Variants in PIANP observed in about 807,000 individuals in gnomAD.
PIANP encodes PILR alpha-associated neural protein.
A neutral mutation model predicts 28.9 loss-of-function variants in PIANP; 14 were observed. The ratio of observed to expected loss-of-function variants is 0.49; its 90% CI spans 0.32 to 0.76. The LOEUF (loss-of-function observed/expected upper bound fraction) is 0.76, where lower values mean the gene tolerates loss of function less well. Among genes scored for constraint, PIANP ranks in the 30% least tolerant of loss-of-function variants. PIANP has a pLI of 0.03. For synonymous variants in PIANP, 149 were observed against 156.6 expected, an observed-to-expected ratio of 0.95 and a Z score of 0.36; for missense variants, 322 against 371.8, an observed-to-expected ratio of 0.87 and a Z score of 1.10.
chr12:6,697,531 A>C lies in PIANP; in HGVS notation c.279T>G (p.Phe93Leu). ...ATTGGGATGAGGGCGGCCCCTCCTC[A>C]AAGCCTGATGGGGTGGCTGGGGGTG... ...GTAPPATPSG[F>L]EEGPPSSQYP... is the part of the protein sequence containing the mutation. The change falls in exon 3 of 5, where the codon TTT becomes TTG. Residue 93 changes from phenylalanine (F) to leucine (L), a missense_variant. Phe to Leu is a conservative substitution (Grantham distance 22). Transcript: ENST00000534837. This position sits in a 1 kb window ranked among gnomAD's most constrained non-coding sequence, Gnocchi z 6.9. The C allele has an allele frequency of 2.5e-6, 4 of 1,611,194 alleles. No individual in the cohort carries two copies. The highest frequency in any genetic ancestry group is 3.4e-6 in the Non-Finnish European group (4 of 1,178,640).
At position 6,695,643 on chromosome 12, in the gene PIANP, C is replaced by T. The variant is rs548735087; in HGVS notation, c.614G>A (p.Arg205His). ...TGIIFKFCWDRSQKRRRPSGQ... is the reference protein window; with the variant it reads ...TGIIFKFCWDHSQKRRRPSGQ... Reference sequence around the variant, plus strand: ...TGAGGGTCTGCGTCGCTTCTGGCTGCGGTCCCAGCTGGGGTACCAGAGGAA... The same window carrying T: ...TGAGGGTCTGCGTCGCTTCTGGCTGTGGTCCCAGCTGGGGTACCAGAGGAA... Residue 205 changes from arginine (R) to histidine (H), a missense_variant, in exon 5 of 5, where the codon CGC becomes CAC. Coordinates refer to ENST00000534837, the MANE Select transcript of PIANP (RefSeq NM_001244014.2). This position sits in a 1 kb window ranked among gnomAD's most constrained non-coding sequence, Gnocchi z 4.2. 17 of 1,519,024 alleles carry T rather than the reference C, an allele frequency of 1.1e-5. No individual in the cohort carries two copies. The highest frequency in any genetic ancestry group is 5.6e-5 in the African/African-American group (4 of 71,262). 94.1% of individuals were successfully genotyped at this position (1,519,024 alleles called of 1,614,324 possible). A position where few individuals can be genotyped will look rare whatever the true frequency, so the allele number is the denominator to read the frequency against.
chr12:6,699,460 T>C (rs1398690482), intron 1 of PIANP, among the ~76,000 whole-genome samples: 2 of 151,458 alleles, frequency 1.3e-5, no homozygotes, highest in Non-Finnish European at 2.9e-5. Flanking sequence ...CAGGCAGTCC[T>C]GAAAAAGAGA....
At position 6,696,787 on chromosome 12, in the gene PIANP, G is replaced by A. The variant is rs1419499409; in HGVS notation, c.524-263C>T. On this transcript the variant is annotated intron_variant, in intron 3 of 4. Coordinates refer to ENST00000534837, the MANE Select transcript of PIANP (RefSeq NM_001244014.2). The surrounding 1 kb of genome is among the most constrained non-coding windows in gnomAD (Gnocchi z 4.0). ...ATGAGGATGAGGCCCCATGATCAGC[G>A]AGAACCTATCACTATGCCTGGAAAC... Among the ~76,000 whole-genome samples the A allele has an allele frequency of 4.6e-5, 7 of 152,118 alleles. No homozygotes were observed. The highest frequency in any genetic ancestry group is 1.0e-4 in the Non-Finnish European group (7 of 68,036).
In PIANP at chr12:6,695,511, G is replaced by A. The variant is rs1398766409; in HGVS notation, c.746C>T (p.Thr249Ile). ...LGAFGDSPTP[T>I]PDHEEPRGGP... is the part of the protein sequence containing the mutation. ...CCCTCGGGGCTCCTCATGGTCAGGG[G>A]TGGGGGTAGGTGAGTCCCCGAAGGC... is the stretch of plus-strand genomic sequence containing the variant. The change falls in exon 5 of 5, where the codon ACC (threonine) becomes ATC (isoleucine). Residue 249 changes from threonine (T) to isoleucine (I), a missense_variant. Thr to Ile is a moderately conservative substitution (Grantham distance 89, BLOSUM62 -1). Coordinates refer to ENST00000534837, the MANE Select transcript of PIANP (RefSeq NM_001244014.2). The surrounding 1 kb of genome is among the most constrained non-coding windows in gnomAD (Gnocchi z 4.2). 4 of 1,565,418 alleles carry A rather than the reference G, an allele frequency of 2.6e-6. No individual in the cohort carries two copies. Among genetic ancestry groups the A allele is most frequent in the Non-Finnish European group, 3.5e-6 (4 of 1,153,962 alleles).
chr12:6,692,266 T>C (rs970311669), downstream of PIANP, among the ~76,000 whole-genome samples: 2 of 152,246 alleles, frequency 1.3e-5, no homozygotes, highest in Non-Finnish European at 1.5e-5. Context: ...AATTCCCTCT[T>C]CATTAGGGGC....
In PIANP at chr12:6,695,507, A is replaced by G; in HGVS notation, c.750T>C (p.Pro250=). 6.4e-7 allele frequency: 1 copy of G among 1,556,018 alleles called. No homozygotes were observed. Among genetic ancestry groups the G allele is most frequent in the Non-Finnish European group, 8.7e-7 (1 of 1,150,520 alleles). Residue 250 remains proline (P), a synonymous_variant, in exon 5 of 5, where the codon CCT becomes CCC. Transcript: ENST00000534837. This position sits in a 1 kb window ranked among gnomAD's most constrained non-coding sequence, Gnocchi z 4.2. ...GTCCCCCTCGGGGCTCCTCATGGTC[A>G]GGGGTGGGGGTAGGTGAGTCCCCGA... ...GAFGDSPTPT[P]DHEEPRGGPR...
chr12:6,700,387 G>T lies in PIANP; in HGVS notation c.-44+227C>A, dbSNP rs1010509012. ...GCGGAGCCGCCCGCCGAGCCGAGGC[G>T]GGATGGAGGCAGCCGCGGGGACGGG... On this transcript the variant is annotated intron_variant, in intron 1 of 4. Transcript: ENST00000534837. This position sits in a 1 kb window ranked among gnomAD's most constrained non-coding sequence, Gnocchi z 5.5. 3.9e-5 allele frequency: 6 copies of T among 152,550 alleles called. No homozygotes were observed. Among genetic ancestry groups the T allele is most frequent in the African/African-American group, 1.4e-4 (6 of 41,584 alleles). 9.4% of individuals were successfully genotyped at this position (152,550 alleles called of 1,614,324 possible).
At position 6,695,215 on chromosome 12, in the gene PIANP, T is replaced by C. The variant is rs1483196251; in HGVS notation, c.*211A>G. ...ACCAAAGAGGGCAGAGTTGGAGTTA[T>C]GGGCAGCAGAGAATAGGACACAGAT... is the stretch of plus-strand genomic sequence containing the variant. On this transcript the variant is annotated 3_prime_UTR_variant, in exon 5 of 5. Transcript: ENST00000534837. This position sits in a 1 kb window ranked among gnomAD's most constrained non-coding sequence, Gnocchi z 4.2. The C allele has an allele frequency of 6.9e-7, 1 of 1,444,296 alleles. No homozygotes were observed. The highest frequency in any genetic ancestry group is 2.7e-5 in the Admixed American group (1 of 37,298). The allele number at this position is 1,444,296 out of a possible 1,614,324, so 89.5% of individuals were successfully genotyped here.
intron 1 of PIANP, among the ~76,000 whole-genome samples, chr12:6,698,649 G>A (rs1335753666): frequency 6.6e-6 from 1 of 152,112 alleles, no homozygotes; most frequent in Non-Finnish European, 1.5e-5. Context: ...AGAGCTGGAG[G>A]GATGGAAGGA....
Position 6,695,401 on chromosome 12 carries a change from C to G in PIANP, c.*25G>C. On this transcript the variant is annotated 3_prime_UTR_variant, in exon 5 of 5. Transcript: ENST00000534837. The surrounding 1 kb of genome is among the most constrained non-coding windows in gnomAD (Gnocchi z 4.2). Reference sequence around the variant, plus strand: ...AGACCTAAGTTGCCTTCCCTCTTTGCCCTCCCATCCCATTGCCCCTGCCCT... The same window carrying G: ...AGACCTAAGTTGCCTTCCCTCTTTGGCCTCCCATCCCATTGCCCCTGCCCT... 1 of 1,452,398 alleles carries G rather than the reference C, an allele frequency of 6.9e-7. No homozygotes were observed. Among genetic ancestry groups the G allele is most frequent in the Non-Finnish European group, 9.1e-7 (1 of 1,100,358 alleles). 90.0% of individuals were successfully genotyped at this position (1,452,398 alleles called of 1,614,324 possible).
At position 6,694,924 on chromosome 12, in the gene PIANP, G is replaced by A. The variant is rs1022120437; in HGVS notation, c.*502C>T. On this transcript the variant is annotated 3_prime_UTR_variant, in exon 5 of 5. Coordinates refer to ENST00000534837, the MANE Select transcript of PIANP (RefSeq NM_001244014.2). The surrounding 1 kb of genome is among the most constrained non-coding windows in gnomAD (Gnocchi z 6.1). Reference sequence around the variant, plus strand: ...GTTCCGGGTGGTGTGCAAGGGGCAGGAGCCAGGAGCCCCTGTGGCCCCAGC... The same window carrying A: ...GTTCCGGGTGGTGTGCAAGGGGCAGAAGCCAGGAGCCCCTGTGGCCCCAGC... 19 of 1,326,270 alleles carry A rather than the reference G, an allele frequency of 1.4e-5. No homozygotes were observed. In the African/African-American group the frequency reaches 1.5e-4, roughly 10 times the overall value. The allele number at this position is 1,326,270 out of a possible 1,614,324, so 82.2% of individuals were successfully genotyped here.
Position 6,697,869 on chromosome 12 carries a change from G to C in PIANP, c.18-77C>G. ...GTGAGGGAGGGACAGGTTCACACCA[G>C]AAACCTCCAGGTTTCCCTGTGAAAG... On this transcript the variant is annotated intron_variant, in intron 2 of 4. Coordinates refer to ENST00000534837, the MANE Select transcript of PIANP (RefSeq NM_001244014.2). The surrounding 1 kb of genome is among the most constrained non-coding windows in gnomAD (Gnocchi z 6.9). 6.7e-7 allele frequency: 1 copy of C among 1,500,700 alleles called. No homozygotes were observed. Among genetic ancestry groups the C allele is most frequent in the Non-Finnish European group, 8.9e-7 (1 of 1,122,124 alleles). 93.0% of individuals were successfully genotyped at this position (1,500,700 alleles called of 1,614,324 possible).
At position 6,697,645 on chromosome 12, in the gene PIANP, T is replaced by C; in HGVS notation, c.165A>G (p.Pro55=). Residue 55 remains proline (P), a synonymous_variant, in exon 3 of 5, where the codon CCA becomes CCG. Transcript: ENST00000534837. The surrounding 1 kb of genome is among the most constrained non-coding windows in gnomAD (Gnocchi z 6.9). The part of the protein sequence containing the change: ...PPCARGGPSA[P]RHVCVWERAP... ...CTCGCTCCCACACGCACACATGACGTGGGGCCGAGGGGCCTCCCCTGGCAC... is the reference window on the plus strand; with the variant it reads ...CTCGCTCCCACACGCACACATGACGCGGGGCCGAGGGGCCTCCCCTGGCAC... The C allele has an allele frequency of 6.5e-7, 1 of 1,535,948 alleles. No homozygotes were observed. Among genetic ancestry groups the C allele is most frequent in the South Asian group, 1.2e-5 (1 of 83,868 alleles).
At chr12:6,698,192 C>A in intron 1 of PIANP, 88 bp from the exon 2 acceptor site, 1 of 1,064,556 alleles carries the variant, frequency 9.4e-7, no homozygotes, top group Non-Finnish European at 1.4e-6. Flanking sequence ...CGCATCTGCC[C>A]TCCCAGGCCA....
rs1006007586 is a variant in PIANP, at chr12:6,695,892, C to G, written c.606-241G>C. On this transcript the variant is annotated intron_variant, in intron 4 of 4. Transcript: ENST00000534837. This position sits in a 1 kb window ranked among gnomAD's most constrained non-coding sequence, Gnocchi z 4.2. ...CTTACCCTCCAAACCTGATCCAGAT[C>G]GACAAAATTAATATCCCCTCCCCAC... Among the ~76,000 whole-genome samples, 1 of 152,134 alleles carries G rather than the reference C, an allele frequency of 6.6e-6. No homozygotes were observed. Among genetic ancestry groups the G allele is most frequent in the African/African-American group, 2.4e-5 (1 of 41,482 alleles).
In PIANP at chr12:6,695,947, AG is replaced by A. The variant is rs1308494690; in HGVS notation, c.606-297del. Among the ~76,000 whole-genome samples, 1 of 152,140 alleles carries A rather than the reference AG, an allele frequency of 6.6e-6. No homozygotes were observed. The highest frequency in any genetic ancestry group is 2.4e-5 in the African/African-American group (1 of 41,422). On this transcript the variant is annotated intron_variant, in intron 4 of 4. Coordinates refer to ENST00000534837, the MANE Select transcript of PIANP (RefSeq NM_001244014.2). This position sits in a 1 kb window ranked among gnomAD's most constrained non-coding sequence, Gnocchi z 4.2. ...ACAATGTCCTCTCCCCTACATGCCC[AG>A]AAGAGTCATTTCTGTCTTCAGCAGA...
At position 6,697,520 on chromosome 12, in the gene PIANP, G is replaced by A. The variant is rs779280940; in HGVS notation, c.290C>T (p.Pro97Leu). 1.4e-5 allele frequency: 22 copies of A among 1,612,140 alleles called. No individual in the cohort carries two copies. The East Asian group carries it at 1.6e-4, about 11-fold the overall frequency. ...PATPSGFEEG[P>L]PSSQYPWAIV... is the part of the protein sequence containing the mutation. ...AGCCCAGGGGTATTGGGATGAGGGC[G>A]GCCCCTCCTCAAAGCCTGATGGGGT... Residue 97 changes from proline (P) to leucine (L), a missense_variant, in exon 3 of 5, where the codon CCG becomes CTG. Coordinates refer to ENST00000534837, the MANE Select transcript of PIANP (RefSeq NM_001244014.2). The surrounding 1 kb of genome is among the most constrained non-coding windows in gnomAD (Gnocchi z 6.9).
At chr12:6,700,810 CGGCTCGGCTG>C (rs1301806910) in exon 1 of PIANP, 5 of 151,878 alleles carry the variant, frequency 3.3e-5, no homozygotes, top group Non-Finnish European at 7.4e-5. The surrounding 1 kb of genome is among the most constrained non-coding windows in gnomAD (Gnocchi z 5.5). Context: ...CGGCTCGGCT[CGGCTCGGCTG>C]GGCTCGGCGC....
rs1386210912 is a variant in PIANP, at chr12:6,697,386, G to T, written c.424C>A (p.His142Asn). Residue 142 changes from histidine to asparagine, a missense_variant, in exon 3 of 5, where the codon CAC becomes AAC. By Grantham distance (68) the His-to-Asn change is moderately conservative. Coordinates refer to ENST00000534837, the MANE Select transcript of PIANP (RefSeq NM_001244014.2). The surrounding 1 kb of genome is among the most constrained non-coding windows in gnomAD (Gnocchi z 6.9). ...CCTCGCATGGAGTCTGAGTTGGGGT[G>T]TGGGGTTGCGAGCCCATGAGGGGCT... ...FAAPHGLATP[H>N]PNSDSMRGDG... is the part of the protein sequence containing the mutation. 1.9e-6 allele frequency: 3 copies of T among 1,614,070 alleles called. No individual in the cohort carries two copies. The South Asian group carries it at 3.3e-5, about 18-fold the overall frequency.
Sources: gnomAD v4.1 joint callset for allele counts (sites outside exome capture counted in the v4.1 genomes callset) on GRCh38, gnomAD v4.1.1 for gene constraint, Gnocchi (gnomAD v3.1) non-coding constraint, MANE v1.5 for transcripts, NCBI Gene and HGNC (gene_info 2026-07-23, HGNC 2026-07-21) for gene names.